Variants in EPHA5 observed in about 807,000 individuals in gnomAD.
EPHA5 encodes EPH receptor A5.
In EPHA5, 60 loss-of-function variants were observed where a neutral mutation model predicts 105.0. The ratio of observed to expected loss-of-function variants is 0.57; its 90% confidence interval spans 0.46 to 0.71. The LOEUF is 0.71. EPHA5 is among the 30% of genes least tolerant of loss of function. The probability of loss-of-function intolerance (pLI) is 0.00; values close to 1 mark genes in which losing one functional copy is unlikely to be tolerated. For synonymous variants in EPHA5, 513 were observed against 449.1 expected (o/e 1.14, Z -1.80); for missense variants, 1,218 against 1,274.7 (o/e 0.96, Z 0.68).
rs545616691 is a variant in EPHA5 at position 65,383,248 on chromosome 4, T to C, written c.1794-15824A>G. Reference sequence around the variant, plus strand: ...ACACACACACACACACACACACACATATACATTAATCAGGTCCAATTCCAT... The same window carrying C: ...ACACACACACACACACACACACACACATACATTAATCAGGTCCAATTCCAT... On this transcript the variant is annotated intron_variant, in intron 8 of 16. Coordinates refer to ENST00000613740, the MANE Select transcript of EPHA5 (RefSeq NM_001281766.3). Among the ~76,000 whole-genome samples the C allele has an allele frequency of 3.3e-3, 446 of 134,012 alleles. 4 individuals are homozygous for C. The highest frequency in any genetic ancestry group is 9.0e-3 in the African/African-American group (325 of 36,222). 87.9% of individuals were successfully genotyped at this position (134,012 alleles called of 152,430 possible).
chr4:65,554,127 AC>A (rs2149344779), intron 3 of EPHA5, among the ~76,000 whole-genome samples: 1 of 151,262 alleles, frequency 6.6e-6, no homozygotes, highest in African/African-American at 2.4e-5. Flanking sequence ...TATTTCACAT[AC>A]CTTTTGAAGA....
chr4:65,426,266 T>C (rs1316444576), intron 5 of EPHA5, among the ~76,000 whole-genome samples: 1 of 152,196 alleles, frequency 6.6e-6, no homozygotes, highest in Non-Finnish European at 1.5e-5. Context: ...TCTATATGTT[T>C]CTTGAGCACT....
intron 16 of EPHA5, chr4:65,331,649 T>C (rs761715144): frequency 1.7e-4 from 186 of 1,094,158 alleles, no homozygotes; most frequent in Non-Finnish European, 2.0e-4. Context: ...TACATTCATA[T>C]AACATAGATA....
At chr4:65,588,442 T>C (rs1288777051) in intron 3 of EPHA5, among the ~76,000 whole-genome samples, 2 of 152,170 alleles carry the variant, frequency 1.3e-5, no homozygotes, top group Non-Finnish European at 2.9e-5. Flanking sequence ...TAAGTGCAGA[T>C]GAAAATAACT....
intron 15 of EPHA5, among the ~76,000 whole-genome samples, chr4:65,332,622 G>T (rs797012654): frequency 1.2e-4 from 18 of 151,376 alleles, no homozygotes; most frequent in African/African-American, 4.1e-4. Flanking sequence ...GGGTGGTGGG[G>T]GGTGGGGGAA....
At chr4:65,469,887 C>T (rs911824621) in intron 5 of EPHA5, among the ~76,000 whole-genome samples, 3 of 152,076 alleles carry the variant, frequency 2.0e-5, no homozygotes, top group African/African-American at 7.2e-5. Flanking sequence ...GTATACACTA[C>T]TGTGTGCGCA....
At chr4:65,394,579 C>T (rs1203511119) in intron 8 of EPHA5, among the ~76,000 whole-genome samples, 5 of 152,162 alleles carry the variant, frequency 3.3e-5, no homozygotes, top group African/African-American at 9.6e-5. Flanking sequence ...ATTGAGAGAA[C>T]AAGATTGAGC....
intron 5 of EPHA5, among the ~76,000 whole-genome samples, chr4:65,445,529 A>G (rs541033836): frequency 2.6e-3 from 391 of 152,240 alleles, no homozygotes; most frequent in African/African-American, 9.0e-3. Context: ...GACTGTGAGC[A>G]TTATAAAGAA....
intron 16 of EPHA5, chr4:65,330,521 CA>C (rs1720510363): frequency 2.6e-6 from 1 of 379,628 alleles, no homozygotes; most frequent in Non-Finnish European, 3.6e-6. Flanking sequence ...TAACTATATA[CA>C]GAAAATGTGC....
intron 3 of EPHA5, among the ~76,000 whole-genome samples, chr4:65,499,605 C>G (rs1732281297): frequency 6.6e-6 from 1 of 151,424 alleles, no homozygotes; most frequent in African/African-American, 2.4e-5. Context: ...TTGACATGCC[C>G]TCTTTTAGGA....
intron 3 of EPHA5, among the ~76,000 whole-genome samples, chr4:65,557,044 T>C (rs1052039133): frequency 1.3e-5 from 2 of 151,706 alleles, no homozygotes; most frequent in African/African-American, 4.8e-5. Flanking sequence ...TAGTTTCTTC[T>C]TCGATGAAGG....
At chr4:65,665,666 T>C (rs1017803963) in intron 1 of EPHA5, among the ~76,000 whole-genome samples, 1 of 152,222 alleles carries the variant, frequency 6.6e-6, no homozygotes, top group East Asian at 1.9e-4. Context: ...AAAATCTTTG[T>C]TTTAAATGCA....
chr4:65,319,819 C>A lies in EPHA5; in HGVS notation c.*4295G>T, dbSNP rs905730429. On this transcript the variant is annotated 3_prime_UTR_variant, in exon 17 of 17. Transcript: ENST00000613740. The stretch of plus-strand genomic sequence containing the variant: ...TTTTGGTAAAAATACTAACAAATGA[C>A]TGAGTCTAAGTATTCTCAGGCTCTT... 4.4e-6 allele frequency: 1 copy of A among 229,022 alleles called. No homozygotes were observed. The highest frequency in any genetic ancestry group is 2.2e-5 in the African/African-American group (1 of 45,062). 14.2% of individuals were successfully genotyped at this position (229,022 alleles called of 1,614,324 possible).
At chr4:65,424,697 G>C (rs773096827) in intron 5 of EPHA5, among the ~76,000 whole-genome samples, 7 of 151,902 alleles carry the variant, frequency 4.6e-5, no homozygotes, top group Non-Finnish European at 1.0e-4. Context: ...TAAAATGCTC[G>C]ATGAGATCCA....
At chr4:65,349,664 T>C (rs73822116) in intron 13 of EPHA5, among the ~76,000 whole-genome samples, 3,427 of 152,216 alleles carry the variant, frequency 0.023, 89 homozygotes, top group African/African-American at 0.059. Context: ...TACTAAAAAT[T>C]ATTTTGGGAA....
intron 15 of EPHA5, among the ~76,000 whole-genome samples, chr4:65,334,731 A>T (rs1360713556): frequency 6.6e-6 from 1 of 151,988 alleles, no homozygotes; most frequent in Non-Finnish European, 1.5e-5. Context: ...GAAATAAGAA[A>T]ATTATTTAGA....
intron 5 of EPHA5, among the ~76,000 whole-genome samples, chr4:65,440,195 A>G (rs1353740715): frequency 6.6e-6 from 1 of 152,048 alleles, no homozygotes; most frequent in Non-Finnish European, 1.5e-5. Flanking sequence ...TAACATTGTC[A>G]TAGACATAAT....
At chr4:65,591,347 T>G (rs561890713) in intron 3 of EPHA5, among the ~76,000 whole-genome samples, 1 of 152,178 alleles carries the variant, frequency 6.6e-6, no homozygotes, top group East Asian at 1.9e-4. Context: ...ATGCCTTTTT[T>G]TCTTTATACA....
intron 7 of EPHA5, among the ~76,000 whole-genome samples, chr4:65,407,363 A>G (rs1722463036): frequency 6.6e-6 from 1 of 152,118 alleles, no homozygotes; most frequent in Admixed American, 6.6e-5. Flanking sequence ...TAAATTTGAG[A>G]AAAAATATAA....
Sources: gnomAD v4.1 joint callset for allele counts (sites outside exome capture counted in the v4.1 genomes callset) on GRCh38, gnomAD v4.1.1 for gene constraint, MANE v1.5 for transcripts, NCBI Gene and HGNC (gene_info 2026-07-23, HGNC 2026-07-21) for gene names.